The following OCIAD2 variants were observed in gnomAD, a reference collection of about 807,000 sequenced individuals.
OCIAD2 encodes OCIA domain containing 2, also known as OCIA domain-containing protein 2.
OCIAD2 carries 29 observed loss-of-function variants against 22.9 expected under a neutral mutation model. The ratio of observed to expected loss-of-function variants is 1.27; its 90% CI spans 0.94 to 1.73. The LOEUF (loss-of-function observed/expected upper bound fraction) is 1.73, where lower values mean the gene tolerates loss of function less well. Ranked by LOEUF, OCIAD2 falls within the 40% of genes most tolerant of loss-of-function variation. The probability of loss-of-function intolerance (pLI) is 0.00; values close to 1 mark genes in which losing one functional copy is unlikely to be tolerated. For missense variants in OCIAD2, 189 were observed against 180.3 expected (o/e 1.05, Z -0.28); for synonymous variants, 67 against 60.2 (o/e 1.11, Z -0.52).
chr4:48,906,594 C>G (rs1472538924), intron 1 of OCIAD2, 64 bp downstream of exon 1: 1 of 153,088 alleles, frequency 6.5e-6, no homozygotes, highest in Admixed American at 6.5e-5. Context: ...GACTGCCCTG[C>G]GGCGCCGCGT....
At chr4:48,892,667 A>T in intron 6 of OCIAD2, 105 bp downstream of exon 6, 1 of 578,882 alleles carries the variant, frequency 1.7e-6, no homozygotes, top group Non-Finnish European at 2.9e-6. Context: ...AACTTTTTTT[A>T]CATGTGAATT....
chr4:48,904,583 T>C lies in OCIAD2; in HGVS notation c.-34A>G. The C allele has an allele frequency of 3.8e-6, 6 of 1,596,442 alleles. No individual in the cohort carries two copies. The highest frequency in any genetic ancestry group is 4.3e-6 in the Non-Finnish European group (5 of 1,164,154). Reference sequence around the variant, plus strand: ...TGTGCTTGCTCTCCTTCCAGTTGTTTATCCTCTGCTTACTCCTTGACCCAG... The same window carrying C: ...TGTGCTTGCTCTCCTTCCAGTTGTTCATCCTCTGCTTACTCCTTGACCCAG... On this transcript the variant is annotated 5_prime_UTR_variant, in exon 2 of 7. The change creates a new upstream start codon in the 5' untranslated region. Transcript: ENST00000508632.
intron 1 of OCIAD2, among the ~76,000 whole-genome samples, chr4:48,906,170 C>T (rs1781520561): frequency 6.6e-6 from 1 of 152,226 alleles, no homozygotes; most frequent in Admixed American, 6.5e-5. Context: ...TCAGTCTGCA[C>T]CTAAAAGCAA....
chr4:48,895,305 G>GA (rs1034446552), intron 4 of OCIAD2, among the ~76,000 whole-genome samples: 2 of 152,140 alleles, frequency 1.3e-5, no homozygotes, highest in African/African-American at 2.4e-5. Flanking sequence ...ATCAAACTCT[G>GA]AAAAAAATGT....
chr4:48,886,702 T>C (rs574014333), intron 6 of OCIAD2, among the ~76,000 whole-genome samples: 150 of 152,292 alleles, frequency 9.8e-4, no homozygotes, highest in Non-Finnish European at 1.9e-3. Flanking sequence ...TAGTATTCCA[T>C]GGTGTATATG....
chr4:48,906,337 C>T (rs2290516), intron 1 of OCIAD2, among the ~76,000 whole-genome samples: 81,091 of 151,922 alleles, frequency 0.53, 21,928 homozygotes, highest in South Asian at 0.61. Context: ...GCATGGGGGG[C>T]GGGGGTGCTT....
At chr4:48,894,137 T>C (rs1781248534) in intron 4 of OCIAD2, 84 bp from the exon 5 acceptor site, 17 of 658,566 alleles carry the variant, frequency 2.6e-5, no homozygotes, top group Non-Finnish European at 3.6e-5. Context: ...TCTTAAAGTA[T>C]AAAGAAACCT....
chr4:48,897,528 C>T (rs1276281306), intron 4 of OCIAD2, among the ~76,000 whole-genome samples: 1 of 152,186 alleles, frequency 6.6e-6, no homozygotes, highest in Non-Finnish European at 1.5e-5. Flanking sequence ...ACCTGGATCA[C>T]CCAGGATACT....
chr4:48,900,594 T>A (rs113159972), intron 2 of OCIAD2, among the ~76,000 whole-genome samples: 30 of 151,960 alleles, frequency 2.0e-4, no homozygotes, highest in Admixed American at 3.9e-4. Context: ...ATTAAAAATT[T>A]AAAAAAATTT....
chr4:48,905,897 C>A (rs918217954), intron 1 of OCIAD2, among the ~76,000 whole-genome samples: 2 of 152,170 alleles, frequency 1.3e-5, no homozygotes, highest in Non-Finnish European at 2.9e-5. Context: ...TCTGCCTCAG[C>A]TTTCTCCACT....
chr4:48,894,322 C>T (rs1472226884), intron 4 of OCIAD2, among the ~76,000 whole-genome samples: 1 of 151,978 alleles, frequency 6.6e-6, no homozygotes, highest in Non-Finnish European at 1.5e-5. Context: ...GAAACCCCGT[C>T]TCCACTAAAA....
At chr4:48,890,106 TG>T (rs962633673) in intron 6 of OCIAD2, among the ~76,000 whole-genome samples, 6 of 54,456 alleles carry the variant, frequency 1.1e-4, no homozygotes, top group African/African-American at 1.6e-4. Context: ...GGGCTTGTTG[TG>T]GGGTGGGGGG....
chr4:48,901,778 T>C (rs1781423682), intron 2 of OCIAD2, among the ~76,000 whole-genome samples: 1 of 152,200 alleles, frequency 6.6e-6, no homozygotes, highest in African/African-American at 2.4e-5. Context: ...GGTCTCGCTC[T>C]GTCACCCAGG....
At position 48,904,594 on chromosome 4, in the gene OCIAD2, T is replaced by C. The variant is rs369693430; in HGVS notation, c.-45A>G. The C allele has an allele frequency of 4.1e-5, 64 of 1,553,528 alleles. No individual in the cohort carries two copies. The highest frequency in any genetic ancestry group is 5.4e-5 in the Non-Finnish European group (61 of 1,125,338). ...TCCTTCCAGTTGTTTATCCTCTGCT[T>C]ACTCCTTGACCCAGTGTCTAAGGAA... On this transcript the variant is annotated 5_prime_UTR_variant, in exon 2 of 7. Transcript: ENST00000508632.
At chr4:48,906,281 G>A (rs562067596) in intron 1 of OCIAD2, among the ~76,000 whole-genome samples, 2 of 152,290 alleles carry the variant, frequency 1.3e-5, no homozygotes, top group South Asian at 2.1e-4. Flanking sequence ...GGACCCGTGG[G>A]TTCGTGGGTG....
chr4:48,896,423 C>T (rs1781302438), intron 4 of OCIAD2, among the ~76,000 whole-genome samples: 1 of 151,914 alleles, frequency 6.6e-6, no homozygotes, highest in African/African-American at 2.4e-5. Flanking sequence ...GACACTGTCT[C>T]TGCAAAAATT....
intron 2 of OCIAD2, among the ~76,000 whole-genome samples, chr4:48,901,965 C>T (rs1781428601): frequency 6.6e-6 from 1 of 152,032 alleles, no homozygotes; most frequent in Non-Finnish European, 1.5e-5. Context: ...GGCGTTCTCA[C>T]TATGTGTCTC....
intron 6 of OCIAD2, among the ~76,000 whole-genome samples, chr4:48,888,546 G>C (rs1781064032): frequency 6.6e-6 from 1 of 152,166 alleles, no homozygotes; most frequent in East Asian, 1.9e-4. Flanking sequence ...TTAGCATGAA[G>C]GGCTATTGGA....
intron 3 of OCIAD2, 132 bp from the exon 4 acceptor site, chr4:48,897,989 C>T (rs1781337065): frequency 1.5e-6 from 1 of 670,882 alleles, no homozygotes; most frequent in Non-Finnish European, 2.6e-6. Flanking sequence ...TGTTATTTTA[C>T]TTATTCAACA....
Sources: allele counts gnomAD v4.1 joint callset (sites outside exome capture counted in the v4.1 genomes callset), GRCh38; gene constraint gnomAD v4.1.1; transcripts MANE v1.5; gene names NCBI Gene and HGNC (gene_info 2026-07-23, HGNC 2026-07-21).